CEP63: variants seen among roughly 807,000 people sequenced by gnomAD.
CEP63 encodes the protein centrosomal protein of 63 kDa.
A neutral mutation model predicts 89.1 loss-of-function variants in CEP63; 84 were observed. That is an observed-to-expected ratio of 0.94 (90% CI 0.79 to 1.13). CEP63 has a LOEUF of 1.13. Among genes scored for constraint, CEP63 ranks in the 50% most tolerant of loss-of-function variants. The pLI is 0.00. For missense variants in CEP63, 838 were observed against 813.3 expected (o/e 1.03, Z -0.37); for synonymous variants, 267 against 272.5 (o/e 0.98, Z 0.20).
intron 2 of CEP63, among the ~76,000 whole-genome samples, chr3:134,496,578 G>C (rs916109697): frequency 6.6e-6 from 1 of 152,202 alleles, no homozygotes; most frequent in Non-Finnish European, 1.5e-5. Flanking sequence ...AGCCAGACAG[G>C]CTGTTATCAA....
Position 134,564,270 on chromosome 3 carries a change from C to T in CEP63, c.*2735C>T, listed in dbSNP as rs539858445. On this transcript the variant is annotated 3_prime_UTR_variant, in exon 15 of 15. Coordinates refer to ENST00000675561, the MANE Select transcript of CEP63 (RefSeq NM_001353108.3). The stretch of plus-strand genomic sequence containing the variant: ...GGAAAATGCCATTCCTGAGGTGCAC[C>T]ACATCGTTTCTTTTGTGTTGGTGTG... 3.9e-4 allele frequency: 388 copies of T among 985,278 alleles called. 2 individuals carry two copies. The highest frequency in any genetic ancestry group is 5.2e-4 in the Middle Eastern group (1 of 1,936). The allele number at this position is 985,278 out of a possible 1,614,324, so 61.0% of individuals were successfully genotyped here.
intron 11 of CEP63, among the ~76,000 whole-genome samples, chr3:134,573,825 T>A (rs1958117536): frequency 6.6e-6 from 1 of 152,162 alleles, no homozygotes; most frequent in Admixed American, 6.5e-5. Context: ...CATGACATAC[T>A]TTTTGGAATT....
At chr3:134,610,490 T>C in the CEP63 span, 183 of 933,508 alleles carry the variant, frequency 2.0e-4, no homozygotes, top group African/African-American at 2.9e-3. Flanking sequence ...CAGTCCTCCC[T>C]GTCTATCCTT....
chr3:134,490,089 A>C (rs1195910032), intron 1 of CEP63, among the ~76,000 whole-genome samples: 2 of 152,292 alleles, frequency 1.3e-5, no homozygotes, highest in East Asian at 3.9e-4. Context: ...TTTGGAGACC[A>C]CAGTCTTACC....
chr3:134,507,567 CA>C (rs1391273407), intron 3 of CEP63, among the ~76,000 whole-genome samples: 1 of 152,064 alleles, frequency 6.6e-6, no homozygotes, highest in Admixed American at 6.5e-5. Context: ...GTTTAACCTT[CA>C]TCATATTACA....
chr3:134,650,186 A>G, the CEP63 span, among the ~76,000 whole-genome samples: 3 of 152,164 alleles, frequency 2.0e-5, no homozygotes, highest in South Asian at 2.1e-4. Flanking sequence ...ACAACTTACA[A>G]ATTTACCCAG....
the CEP63 span, among the ~76,000 whole-genome samples, chr3:134,615,718 T>A: frequency 6.6e-6 from 1 of 152,084 alleles, no homozygotes; most frequent in African/African-American, 2.4e-5. Context: ...AGCATCAGAT[T>A]TGGTGATAAT....
At chr3:134,520,357 A>G (rs1179308230) in intron 3 of CEP63, among the ~76,000 whole-genome samples, 3 of 152,178 alleles carry the variant, frequency 2.0e-5, no homozygotes, top group African/African-American at 7.2e-5. Flanking sequence ...AGTAAATCCA[A>G]TGAAAGAGGT....
At chr3:134,778,708 A>ACCGTGCCCG in the CEP63 span, among the ~76,000 whole-genome samples, 1 of 151,998 alleles carries the variant, frequency 6.6e-6, no homozygotes, top group East Asian at 1.9e-4. Flanking sequence ...ACAGGTGCCC[A>ACCGTGCCCG]CCACCATGCC....
the CEP63 span, among the ~76,000 whole-genome samples, chr3:134,652,956 C>T: frequency 6.6e-6 from 1 of 152,154 alleles, no homozygotes; most frequent in African/African-American, 2.4e-5. Context: ...ACTTGCATTC[C>T]CATCTCCCAA....
At chr3:134,636,803 A>G in the CEP63 span, among the ~76,000 whole-genome samples, 15 of 152,244 alleles carry the variant, frequency 9.9e-5, no homozygotes, top group Non-Finnish European at 1.5e-4. Flanking sequence ...AATTTTTATC[A>G]GTGAATAATA....
In CEP63 at chr3:134,559,197, AC is replaced by A; in HGVS notation, c.1722del (p.Tyr574Ter). ...HRHDGIKTEH[Y>X]KTDLHSPRGQ... ...CATGATGGAATAAAGACTGAGCACT[AC>A]AAAACAGATCTTCATTCTCCAAGAG... On this transcript the variant is annotated frameshift_variant, in exon 14 of 15. Transcript: ENST00000675561. LOFTEE classifies it high-confidence loss of function. The A allele has an allele frequency of 6.2e-7, 1 of 1,614,164 alleles. No homozygotes were observed. Among genetic ancestry groups the A allele is most frequent in the Non-Finnish European group, 8.5e-7 (1 of 1,180,000 alleles).
In CEP63 at chr3:134,507,713, T is replaced by TA. The variant is rs902445129; in HGVS notation, c.222+436dup. Among the ~76,000 whole-genome samples, 433 of 150,344 alleles carry TA rather than the reference T, an allele frequency of 2.9e-3. 2 individuals carry two copies. The highest frequency in any genetic ancestry group is 9.3e-3 in the African/African-American group (382 of 40,972). The stretch of plus-strand genomic sequence containing the variant: ...TTTAAAACAAAGTTAAGAGAATCTT[T>TA]AAAAAAAAACAAAACAAAACACGTT... On this transcript the variant is annotated intron_variant, in intron 3 of 14. Coordinates refer to ENST00000675561, the MANE Select transcript of CEP63 (RefSeq NM_001353108.3).
chr3:134,530,702 T>C (rs1949697955), intron 3 of CEP63, among the ~76,000 whole-genome samples: 1 of 152,216 alleles, frequency 6.6e-6, no homozygotes, highest in Non-Finnish European at 1.5e-5. Context: ...AAACTAGACT[T>C]TTCCATTTTA....
the CEP63 span, among the ~76,000 whole-genome samples, chr3:134,702,567 C>A: frequency 1.3e-5 from 2 of 152,042 alleles, no homozygotes; most frequent in African/African-American, 4.8e-5. Context: ...AGAAATCAGA[C>A]CACACACCTA....
the CEP63 span, among the ~76,000 whole-genome samples, chr3:134,707,088 A>G: frequency 2.0e-5 from 3 of 152,204 alleles, no homozygotes; most frequent in Admixed American, 2.0e-4. Context: ...TTTAGGGGAC[A>G]CTATTCAACC....
chr3:134,541,409 T>A (rs1267748340), intron 6 of CEP63, among the ~76,000 whole-genome samples: 1 of 152,116 alleles, frequency 6.6e-6, no homozygotes, highest in East Asian at 1.9e-4. Flanking sequence ...TCTAAATTTG[T>A]TTTTTAAATG....
downstream of CEP63, among the ~76,000 whole-genome samples, chr3:134,576,444 A>G (rs1318775201): frequency 6.6e-6 from 1 of 152,226 alleles, no homozygotes; most frequent in East Asian, 1.9e-4. Context: ...ACAAGTGCGC[A>G]TGGCAGTACT....
At chr3:134,513,713 A>G (rs1350089567) in intron 3 of CEP63, among the ~76,000 whole-genome samples, 3 of 152,178 alleles carry the variant, frequency 2.0e-5, no homozygotes, top group South Asian at 2.1e-4. Context: ...AAGACCCTGA[A>G]AGGCTGCACC....
Sources: allele counts gnomAD v4.1 joint callset (sites outside exome capture counted in the v4.1 genomes callset), GRCh38; gene constraint gnomAD v4.1.1; transcripts MANE v1.5; gene names NCBI Gene and HGNC (gene_info 2026-07-23, HGNC 2026-07-21).